The following NAB2 variants were observed in gnomAD, a reference collection of about 807,000 sequenced individuals.
NAB2 encodes the protein NGFI-A binding protein 2, also known as NGFI-A-binding protein 2.
A neutral mutation model predicts 44.2 loss-of-function variants in NAB2; 9 were observed. That is an observed-to-expected ratio of 0.20 (90% CI 0.12 to 0.36). The LOEUF (loss-of-function observed/expected upper bound fraction) is 0.36. Ranked by LOEUF, NAB2 falls within the 10% of genes least tolerant of loss-of-function variation. The pLI is 1.00. For missense variants in NAB2, 514 were observed against 709.0 expected (o/e 0.73, Z 3.12); for synonymous variants, 342 against 291.0 (o/e 1.18, Z -1.78).
intron 1 of NAB2, among the ~76,000 whole-genome samples, 178 bp downstream of exon 1, chr12:57,089,532 A>C (rs1200383884): frequency 1.3e-5 from 2 of 152,104 alleles, no homozygotes; most frequent in Non-Finnish European, 2.9e-5. Flanking sequence ...GCAGGCAAGC[A>C]TCTGATGAAG....
intron 1 of NAB2, 95 bp downstream of exon 1, chr12:57,089,449 GGAAGCAGGACGGGGGT>G: frequency 9.2e-7 from 1 of 1,081,812 alleles, no homozygotes; most frequent in Admixed American, 2.7e-5. Flanking sequence ...GAGGACGTGG[GGAAGCAGGACGGGGGT>G]GGGGGGTGGA....
Position 57,094,759 on chromosome 12 carries a change from T to C in NAB2, c.*38T>C, listed in dbSNP as rs2033305949. On this transcript the variant is annotated 3_prime_UTR_variant, in exon 7 of 7. Transcript: ENST00000300131. ...TGTCTTCAGACCCAGGACCTCAGAC[T>C]TCTGGCTCACACAGACCCCCACGCT... 2 of 1,507,172 alleles carry C rather than the reference T, an allele frequency of 1.3e-6. No homozygotes were observed. The highest frequency in any genetic ancestry group is 4.9e-5 in the East Asian group (2 of 40,648). The allele number at this position is 1,507,172 out of a possible 1,614,324, so 93.4% of individuals were successfully genotyped here.
intron 1 of NAB2, among the ~76,000 whole-genome samples, chr12:57,089,974 G>A (rs2033148007): frequency 6.6e-6 from 1 of 152,202 alleles, no homozygotes; most frequent in Non-Finnish European, 1.5e-5. Flanking sequence ...GGCGGTTTTC[G>A]CCTACAGACG....
chr12:57,094,043 G>C (rs907586913), intron 6 of NAB2, among the ~76,000 whole-genome samples: 1 of 151,798 alleles, frequency 6.6e-6, no homozygotes, highest in South Asian at 2.1e-4. Flanking sequence ...GCGGAGGGCC[G>C]GGCAGCCGCT....
In NAB2 at chr12:57,091,053, T is replaced by G; in HGVS notation, c.84-72T>G. The G allele has an allele frequency of 4.0e-6, 5 of 1,261,936 alleles. No individual in the cohort carries two copies. Among genetic ancestry groups the G allele is most frequent in the Non-Finnish European group, 5.4e-6 (5 of 920,392 alleles). 78.2% of individuals were successfully genotyped at this position (1,261,936 alleles called of 1,614,324 possible). A position where few individuals can be genotyped will look rare whatever the true frequency, so the allele number is the denominator to read the frequency against. On this transcript the variant is annotated intron_variant, in intron 1 of 6. Coordinates refer to ENST00000300131, the MANE Select transcript of NAB2 (RefSeq NM_005967.4). This position sits in a 1 kb window ranked among gnomAD's most constrained non-coding sequence, Gnocchi z 7.3. The stretch of plus-strand genomic sequence containing the variant: ...AAAGCAGGCAGGAAAGAGGGAACAA[T>G]TGTTAGTGTGGGTTGGTACCCAGTA...
Position 57,092,717 on chromosome 12 carries a change from G to T in NAB2, c.1091+136G>T, listed in dbSNP as rs2033217630. 8.1e-6 allele frequency: 11 copies of T among 1,357,738 alleles called. No homozygotes were observed. The Middle Eastern group carries it at 5.7e-4, about 70-fold the overall frequency. The allele number at this position is 1,357,738 out of a possible 1,614,324, so 84.1% of individuals were successfully genotyped here. On this transcript the variant is annotated intron_variant, in intron 3 of 6. Transcript: ENST00000300131. ...GTCCTGCTTTTGGCCAAGTCAGCTTGTCTCAGGTCTGGTCTCTCCTCCCAT... is the reference window on the plus strand; with the variant it reads ...GTCCTGCTTTTGGCCAAGTCAGCTTTTCTCAGGTCTGGTCTCTCCTCCCAT...
chr12:57,093,336 C>A, intron 5 of NAB2, 71 bp from the exon 6 acceptor site: 1 of 1,471,728 alleles, frequency 6.8e-7, no homozygotes, highest in Non-Finnish European at 9.0e-7. Context: ...GGCCTGTGGG[C>A]TGGCTATGTG....
In NAB2 at chr12:57,089,377, C is replaced by T. The variant is rs544645093; in HGVS notation, c.83+23C>T. 8.1e-5 allele frequency: 104 copies of T among 1,286,928 alleles called. No individual in the cohort carries two copies. In the South Asian group the frequency reaches 1.0e-3, roughly 13 times the overall value. The allele number at this position is 1,286,928 out of a possible 1,614,324, so 79.7% of individuals were successfully genotyped here. A position where few individuals can be genotyped will look rare whatever the true frequency, so the allele number is the denominator to read the frequency against. The stretch of plus-strand genomic sequence containing the variant: ...CAAGTTAGTGGGCAAAGGGAGGCAG[C>T]GGGGAGTGGAGATGGGTGGAGCTGG... On this transcript the variant is annotated intron_variant, in intron 1 of 6. Transcript: ENST00000300131.
In NAB2 at chr12:57,093,551, G is replaced by A. The variant is rs767990738; in HGVS notation, c.1421G>A (p.Arg474His). 7 of 1,546,088 alleles carry A rather than the reference G, an allele frequency of 4.5e-6. No homozygotes were observed. The highest frequency in any genetic ancestry group is 2.7e-5 in the African/African-American group (2 of 73,066). ...CTCGCCCGCCTCGTCTCCCACGACC[G>A]CGTGGGCCGCCTCAGCCCCTGTGTG... ...LRLARLVSHD[R>H]VGRLSPCVPA... Residue 474 changes from arginine (R) to histidine (H), a missense_variant, in exon 6 of 7, where the codon CGC (arginine) becomes CAC (histidine). By Grantham distance (29) the Arg-to-His change is conservative (BLOSUM62 0). This residue lies in a region of NAB2 where 194 missense variants were observed against 223.9 expected (regional missense o/e 0.87). Transcript: ENST00000300131.
At chr12:57,094,590 A>G in intron 6 of NAB2, 22 bp from the exon 7 acceptor site, 2 of 1,537,512 alleles carry the variant, frequency 1.3e-6, no homozygotes, top group Non-Finnish European at 1.8e-6. Context: ...GCAGTCTCCT[A>G]ACTGCCCCCT....
At chr12:57,094,527 T>C in intron 6 of NAB2, 85 bp from the exon 7 acceptor site, 1 of 1,093,006 alleles carries the variant, frequency 9.1e-7, no homozygotes, top group Non-Finnish European at 1.4e-6. Context: ...CTTCACAGCT[T>C]TCTTTGCCCC....
intron 4 of NAB2, 25 bp downstream of exon 4, chr12:57,092,993 G>C (rs563190489): frequency 1.2e-6 from 2 of 1,614,112 alleles, no homozygotes; most frequent in South Asian, 2.2e-5. Context: ...GTGCATATAG[G>C]GGCACTGGGC....
intron 6 of NAB2, 128 bp downstream of exon 6, chr12:57,093,726 G>C: frequency 9.5e-7 from 1 of 1,048,188 alleles, no homozygotes; most frequent in Non-Finnish European, 1.3e-6. Flanking sequence ...AGGATGGCTG[G>C]GCTCCAGCCA....
In NAB2 at chr12:57,093,501, G is replaced by A; in HGVS notation, c.1371G>A (p.Gln457=). 2.5e-6 allele frequency: 4 copies of A among 1,586,466 alleles called. No individual in the cohort carries two copies. Among genetic ancestry groups the A allele is most frequent in the Non-Finnish European group, 2.6e-6 (3 of 1,167,658 alleles). ...HGLWSRHILQ[Q]TLMDEGLRLA... ...TATGGAGCCGACACATCCTGCAGCA[G>A]ACACTGATGGACGAGGGGCTGCGGC... The change falls in exon 6 of 7, where the codon CAG becomes CAA. Residue 457 remains glutamine, a synonymous_variant. Coordinates refer to ENST00000300131, the MANE Select transcript of NAB2 (RefSeq NM_005967.4).
rs1158764389 is a variant in NAB2 at position 57,093,538 on chromosome 12, G to A, written c.1408G>A (p.Val470Ile). 8 of 1,555,778 alleles carry A rather than the reference G, an allele frequency of 5.1e-6. No homozygotes were observed. The highest frequency in any genetic ancestry group is 2.4e-5 in the East Asian group (1 of 41,206). The change falls in exon 6 of 7, where the codon GTC (valine) becomes ATC (isoleucine). Residue 470 changes from valine (V) to isoleucine (I), a missense_variant. Physicochemically the swap from Val to Ile is conservative, Grantham distance 29. Coordinates refer to ENST00000300131, the MANE Select transcript of NAB2 (RefSeq NM_005967.4). ...CGAGGGGCTGCGGCTCGCCCGCCTC[G>A]TCTCCCACGACCGCGTGGGCCGCCT... ...MDEGLRLARL[V>I]SHDRVGRLSP...
At position 57,091,910 on chromosome 12, in the gene NAB2, A is replaced by G; in HGVS notation, c.869A>G (p.Gln290Arg). Residue 290 changes from glutamine (Q) to arginine (R), a missense_variant, in exon 2 of 7, where the codon CAG becomes CGG. By Grantham distance (43) the Gln-to-Arg change is conservative. Around this residue, in one of 5 missense-constraint regions of NAB2, gnomAD observed 53 missense variants for 108.5 expected, o/e 0.49. Transcript: ENST00000300131. The surrounding 1 kb of genome is among the most constrained non-coding windows in gnomAD (Gnocchi z 7.3). Reference protein sequence around the residue: ...HIFEMDDNDSQKEEEIRKYSI... With the variant: ...HIFEMDDNDSRKEEEIRKYSI... Reference sequence around the variant, plus strand: ...TTTGAGATGGATGATAATGACAGCCAGAAGGAAGAGGAGATCCGCAAATAC... The same window carrying G: ...TTTGAGATGGATGATAATGACAGCCGGAAGGAAGAGGAGATCCGCAAATAC... The G allele has an allele frequency of 6.2e-7, 1 of 1,614,176 alleles. No individual in the cohort carries two copies. Among genetic ancestry groups the G allele is most frequent in the East Asian group, 2.2e-5 (1 of 44,886 alleles).
chr12:57,092,879 G>GA, intron 3 of NAB2, 38 bp from the exon 4 acceptor site: 1 of 1,612,546 alleles, frequency 6.2e-7, no homozygotes, highest in Non-Finnish European at 8.5e-7. Flanking sequence ...AGTGGCCCTC[G>GA]TCAGCCTCAT....
intron 1 of NAB2, among the ~76,000 whole-genome samples, chr12:57,089,606 C>G (rs1194782094): frequency 6.6e-6 from 1 of 152,056 alleles, no homozygotes; most frequent in Non-Finnish European, 1.5e-5. Flanking sequence ...TCCATCTGGC[C>G]TAAGAGCCCC....
At position 57,089,346 on chromosome 12, in the gene NAB2, C is replaced by G; in HGVS notation, c.75C>G (p.Pro25=). ...ACAGCGCCCGCCGGACCCTGCAGCCCAGACTCAAGTTAGTGGGCAAAGGGA... is the reference window on the plus strand; with the variant it reads ...ACAGCGCCCGCCGGACCCTGCAGCCGAGACTCAAGTTAGTGGGCAAAGGGA... The part of the protein sequence containing the change: ...GGDSARRTLQ[P]RLKPSARAMA... The change falls in exon 1 of 7, where the codon CCC becomes CCG. Residue 25 remains proline (P), a synonymous_variant. Transcript: ENST00000300131. 6.4e-7 allele frequency: 1 copy of G among 1,571,264 alleles called. No homozygotes were observed. The highest frequency in any genetic ancestry group is 1.9e-5 in the Admixed American group (1 of 52,984).
Sources: gnomAD v4.1 joint callset for allele counts (sites outside exome capture counted in the v4.1 genomes callset) on GRCh38, gnomAD v4.1.1 for gene constraint, gnomAD v4.1.1 regional missense constraint, Gnocchi (gnomAD v3.1) non-coding constraint, MANE v1.5 for transcripts, NCBI Gene and HGNC (gene_info 2026-07-23, HGNC 2026-07-21) for gene names.